The following LIPC variants were observed in gnomAD, a reference collection of about 807,000 sequenced individuals.
LIPC encodes hepatic triacylglycerol lipase.
LIPC carries 44 observed loss-of-function variants against 50.7 expected under a neutral mutation model. The ratio of observed to expected loss-of-function variants is 0.87; its 90% confidence interval spans 0.68 to 1.11. The LOEUF is 1.11. LIPC is among the 50% of genes most tolerant of loss of function. The pLI is 0.00. For synonymous variants in LIPC, 271 were observed against 256.4 expected (o/e 1.06, Z -0.54); for missense variants, 697 against 648.2 (o/e 1.08, Z -0.82).
intron 1 of LIPC, among the ~76,000 whole-genome samples, chr15:58,466,884 T>C (rs1234734525): frequency 6.6e-6 from 1 of 152,190 alleles, no homozygotes; most frequent in Admixed American, 6.5e-5. Context: ...CATATCTTCA[T>C]CCAGAAAATT....
At chr15:58,490,343 C>A (rs1168073209) in intron 1 of LIPC, among the ~76,000 whole-genome samples, 1 of 152,164 alleles carries the variant, frequency 6.6e-6, no homozygotes, top group Non-Finnish European at 1.5e-5. Context: ...AAAGAAAGAA[C>A]GTTGATGCTA....
intron 1 of LIPC, among the ~76,000 whole-genome samples, chr15:58,457,816 T>A (rs766350198): frequency 6.6e-6 from 1 of 152,182 alleles, no homozygotes; most frequent in Non-Finnish European, 1.5e-5. Context: ...CATAAACACT[T>A]GTCCACCTCC....
chr15:58,440,805 T>C (rs1254262069), intron 1 of LIPC, among the ~76,000 whole-genome samples: 1 of 152,038 alleles, frequency 6.6e-6, no homozygotes, highest in African/African-American at 2.4e-5. Flanking sequence ...TGGAAGGACA[T>C]TGTAAGCAGA....
chr15:58,526,931 A>C (rs1420674282), intron 1 of LIPC, among the ~76,000 whole-genome samples: 1 of 152,168 alleles, frequency 6.6e-6, no homozygotes, highest in Non-Finnish European at 1.5e-5. Context: ...TTAAACAATC[A>C]AACACAGAAC....
intron 1 of LIPC, among the ~76,000 whole-genome samples, chr15:58,440,101 G>A (rs1240079302): frequency 1.3e-5 from 2 of 152,316 alleles, no homozygotes; most frequent in Non-Finnish European, 2.9e-5. Flanking sequence ...TTGTGAAAAT[G>A]TATTTGTCCA....
chr15:58,447,568 G>T (rs1387552147), intron 1 of LIPC, among the ~76,000 whole-genome samples: 2 of 152,310 alleles, frequency 1.3e-5, no homozygotes, highest in Admixed American at 6.5e-5. Context: ...TCTTGCATGT[G>T]TCACTTCACC....
chr15:58,520,994 C>T (rs1462214227), intron 1 of LIPC, among the ~76,000 whole-genome samples: 3 of 152,126 alleles, frequency 2.0e-5, no homozygotes, highest in Non-Finnish European at 4.4e-5. Context: ...AAACAAGGAC[C>T]ACCCATGATT....
intron 1 of LIPC, among the ~76,000 whole-genome samples, chr15:58,476,821 G>C (rs983898816): frequency 6.6e-6 from 1 of 152,238 alleles, no homozygotes; most frequent in Admixed American, 6.5e-5. Context: ...CTCTGTACTT[G>C]AGAAGCTGTA....
At chr15:58,457,891 G>A (rs776641262) in intron 1 of LIPC, among the ~76,000 whole-genome samples, 4 of 152,248 alleles carry the variant, frequency 2.6e-5, no homozygotes, top group Non-Finnish European at 2.9e-5. Context: ...CCCTGATGCT[G>A]GCTCTGCAGG....
At chr15:58,445,296 G>A (rs182857279) in intron 1 of LIPC, among the ~76,000 whole-genome samples, 343 of 152,362 alleles carry the variant, frequency 2.3e-3, no homozygotes, top group African/African-American at 7.9e-3. Flanking sequence ...CTGCATGGGT[G>A]TGCTCAGTGT....
At chr15:58,469,828 C>T (rs1894720891) in intron 1 of LIPC, among the ~76,000 whole-genome samples, 1 of 152,180 alleles carries the variant, frequency 6.6e-6, no homozygotes, top group Non-Finnish European at 1.5e-5. Flanking sequence ...ATGGCTAGGA[C>T]CTCCCCGCGG....
chr15:58,457,399 C>T (rs1333133479), intron 1 of LIPC, among the ~76,000 whole-genome samples: 4 of 152,180 alleles, frequency 2.6e-5, no homozygotes, highest in Non-Finnish European at 5.9e-5. Context: ...CGTGAGCCAC[C>T]GCGCCCGGCA....
At chr15:58,466,065 A>C (rs531804818) in intron 1 of LIPC, among the ~76,000 whole-genome samples, 1 of 152,344 alleles carries the variant, frequency 6.6e-6, no homozygotes, top group South Asian at 2.1e-4. Context: ...TTATGCCTGT[A>C]CTAAACTCAC....
chr15:58,490,390 C>A (rs1467507662), intron 1 of LIPC, among the ~76,000 whole-genome samples: 1 of 152,196 alleles, frequency 6.6e-6, no homozygotes. Flanking sequence ...TCCGGCTAAT[C>A]TGAACATATT....
At chr15:58,458,202 T>C (rs1402267391) in intron 1 of LIPC, among the ~76,000 whole-genome samples, 1 of 152,120 alleles carries the variant, frequency 6.6e-6, no homozygotes, top group Non-Finnish European at 1.5e-5. Context: ...CCATATATTC[T>C]GTACTGTGTC....
At chr15:58,448,878 G>T (rs1893797931) in intron 1 of LIPC, among the ~76,000 whole-genome samples, 1 of 152,330 alleles carries the variant, frequency 6.6e-6, no homozygotes, top group South Asian at 2.1e-4. Context: ...AACAGAGAGT[G>T]GGGGCCAGTA....
intron 1 of LIPC, among the ~76,000 whole-genome samples, chr15:58,485,465 C>A (rs1891340437): frequency 6.6e-6 from 1 of 152,164 alleles, no homozygotes; most frequent in Non-Finnish European, 1.5e-5. Flanking sequence ...ATGCAATGTT[C>A]ATCACTCCCC....
At chr15:58,458,472 C>A (rs754413720) in intron 1 of LIPC, among the ~76,000 whole-genome samples, 25 of 152,180 alleles carry the variant, frequency 1.6e-4, no homozygotes, top group Non-Finnish European at 2.8e-4. Flanking sequence ...GGGACATTGT[C>A]CTCATTCCCA....
At chr15:58,550,359 T>C (rs1893703688) in intron 6 of LIPC, among the ~76,000 whole-genome samples, 1 of 152,064 alleles carries the variant, frequency 6.6e-6, no homozygotes, top group Non-Finnish European at 1.5e-5. Flanking sequence ...ACTTGGAGAT[T>C]GGGAAGGGAA....
Sources: gnomAD v4.1 joint callset for allele counts (sites outside exome capture counted in the v4.1 genomes callset) on GRCh38, gnomAD v4.1.1 for gene constraint, MANE v1.5 for transcripts, NCBI Gene and HGNC (gene_info 2026-07-23, HGNC 2026-07-21) for gene names.